Variants in ANKS1B observed in about 807,000 individuals in gnomAD.
ANKS1B encodes the protein ankyrin repeat and sterile alpha motif domain-containing protein 1B.
Under a neutral mutation model 148.3 loss-of-function variants are expected in ANKS1B, and 36 were observed. That is an observed-to-expected ratio of 0.24 (90% confidence interval 0.19 to 0.32). ANKS1B has a LOEUF of 0.32. ANKS1B is among the 10% of genes least tolerant of loss of function. The pLI is 1.00. For synonymous variants in ANKS1B, 542 were observed against 560.8 expected, an observed-to-expected ratio of 0.97 and a Z score of 0.47; for missense variants, 1,157 against 1,542.6, an observed-to-expected ratio of 0.75 and a Z score of 4.19.
chr12:98,828,782 C>T (rs760231939), intron 19 of ANKS1B, among the ~76,000 whole-genome samples: 4 of 152,196 alleles, frequency 2.6e-5, no homozygotes, highest in Non-Finnish European at 5.9e-5. Flanking sequence ...GGAAATTAAC[C>T]ACATCACACA....
intron 11 of ANKS1B, among the ~76,000 whole-genome samples, chr12:99,437,852 A>G (rs2095486307): frequency 6.6e-6 from 1 of 151,720 alleles, no homozygotes; most frequent in South Asian, 2.1e-4. Flanking sequence ...ATTTCCTTTT[A>G]CCATCAAACT....
intron 12 of ANKS1B, among the ~76,000 whole-genome samples, chr12:99,370,158 T>C (rs1046885538): frequency 6.6e-5 from 10 of 152,032 alleles, no homozygotes; most frequent in African/African-American, 2.4e-4. Flanking sequence ...ATAGATATGA[T>C]AGGGTTGCAC....
At chr12:99,507,659 ACC>A (rs1354390880) in intron 9 of ANKS1B, among the ~76,000 whole-genome samples, 2 of 151,852 alleles carry the variant, frequency 1.3e-5, no homozygotes, top group Non-Finnish European at 2.9e-5. Context: ...TCTTTGTAGA[ACC>A]TGGCTTCCTT....
At chr12:99,872,199 C>T (rs555185987) in intron 1 of ANKS1B, among the ~76,000 whole-genome samples, 1 of 152,188 alleles carries the variant, frequency 6.6e-6, no homozygotes, top group East Asian at 1.9e-4. Context: ...AATATGCATA[C>T]ACTATAACCT....
chr12:98,955,846 T>C (rs531395563), intron 17 of ANKS1B, among the ~76,000 whole-genome samples: 1 of 152,198 alleles, frequency 6.6e-6, no homozygotes, highest in Non-Finnish European at 1.5e-5. Context: ...CAAGTGGAGA[T>C]ATTGAGGAGG....
chr12:98,918,601 C>A (rs1176701784), intron 17 of ANKS1B, among the ~76,000 whole-genome samples: 1 of 152,030 alleles, frequency 6.6e-6, no homozygotes, highest in East Asian at 1.9e-4. Flanking sequence ...CTAATATATT[C>A]TTGGATTAAA....
At chr12:99,241,206 T>A (rs1223633455) in intron 14 of ANKS1B, among the ~76,000 whole-genome samples, 2 of 152,000 alleles carry the variant, frequency 1.3e-5, no homozygotes, top group Non-Finnish European at 2.9e-5. Flanking sequence ...TAAAAAATGA[T>A]AAAGGGGATA....
At chr12:99,620,010 A>G (rs76285258) in intron 9 of ANKS1B, among the ~76,000 whole-genome samples, 4 of 152,184 alleles carry the variant, frequency 2.6e-5, no homozygotes, top group Non-Finnish European at 5.9e-5. Context: ...ACAGGGATCA[A>G]GTATACACCC....
chr12:99,189,624 C>T (rs965874398), intron 14 of ANKS1B, among the ~76,000 whole-genome samples: 5 of 152,154 alleles, frequency 3.3e-5, no homozygotes, highest in Non-Finnish European at 7.4e-5. Flanking sequence ...GCAGAAAAGG[C>T]CTTCAACAAA....
rs561116040 is a variant in ANKS1B, at chr12:99,909,091, T to A, written c.134+75013A>T. Among the ~76,000 whole-genome samples, 3 of 145,706 alleles carry A rather than the reference T, an allele frequency of 2.1e-5. No individual in the cohort carries two copies. The East Asian group carries it at 6.8e-4, about 33-fold the overall frequency. On this transcript the variant is annotated intron_variant, in intron 1 of 26. Coordinates refer to ENST00000683438, the MANE Select transcript of ANKS1B (RefSeq NM_001352186.2). ...CAACTTTTTTTTTAGATTCTGCACATAAGTGAGATCATGCAGTGTTTTTCT... is the reference window on the plus strand; with the variant it reads ...CAACTTTTTTTTTAGATTCTGCACAAAAGTGAGATCATGCAGTGTTTTTCT...
intron 12 of ANKS1B, among the ~76,000 whole-genome samples, chr12:99,337,668 T>C (rs2089183267): frequency 6.6e-6 from 1 of 152,130 alleles, no homozygotes. Context: ...CAATGGAAAT[T>C]GAGTAATGTA....
At chr12:99,322,749 A>T (rs1193303719) in intron 12 of ANKS1B, among the ~76,000 whole-genome samples, 1 of 152,102 alleles carries the variant, frequency 6.6e-6, no homozygotes, top group Non-Finnish European at 1.5e-5. Flanking sequence ...CCCCATCCAA[A>T]TCTCATCTTG....
At chr12:99,678,325 T>C (rs1428603585) in intron 8 of ANKS1B, among the ~76,000 whole-genome samples, 1 of 152,202 alleles carries the variant, frequency 6.6e-6, no homozygotes, top group Non-Finnish European at 1.5e-5. Context: ...GTCCCTGGTG[T>C]GGCTACTTTT....
intron 12 of ANKS1B, among the ~76,000 whole-genome samples, chr12:99,285,399 A>G (rs759019984): frequency 2.0e-5 from 3 of 152,180 alleles, no homozygotes; most frequent in Non-Finnish European, 4.4e-5. Flanking sequence ...GGTTTTGTCT[A>G]TTAGAAATAA....
intron 8 of ANKS1B, among the ~76,000 whole-genome samples, chr12:99,709,106 T>C (rs564408709): frequency 1.3e-5 from 2 of 152,136 alleles, no homozygotes; most frequent in Non-Finnish European, 2.9e-5. Flanking sequence ...AGTGGGTCAA[T>C]ATTATCTTGG....
chr12:99,755,112 A>C (rs1318700575), intron 8 of ANKS1B, among the ~76,000 whole-genome samples: 1 of 152,062 alleles, frequency 6.6e-6, no homozygotes, highest in Admixed American at 6.6e-5. Context: ...AGCTAAGCTA[A>C]TAAAGAAGAA....
intron 17 of ANKS1B, among the ~76,000 whole-genome samples, chr12:98,979,954 A>G (rs923136298): frequency 3.3e-5 from 5 of 149,532 alleles, no homozygotes; most frequent in Non-Finnish European, 5.9e-5. Flanking sequence ...TTTTTTCACT[A>G]CTCTTTTTTT....
Position 99,572,291 on chromosome 12 carries a change from A to T in ANKS1B, c.1273-67650T>A, listed in dbSNP as rs975354070. ...GAAATAAAACAATAAAAAATTTAAA[A>T]TTTTTTTCTAAAAGTTGAAAATAAA... On this transcript the variant is annotated intron_variant, in intron 9 of 26. Transcript: ENST00000683438. Among the ~76,000 whole-genome samples, 7 of 152,138 alleles carry T rather than the reference A, an allele frequency of 4.6e-5. No homozygotes were observed. The East Asian group carries it at 9.6e-4, about 21-fold the overall frequency.
intron 16 of ANKS1B, among the ~76,000 whole-genome samples, chr12:99,060,800 G>A (rs996658032): frequency 5.9e-5 from 9 of 151,350 alleles, no homozygotes; most frequent in African/African-American, 2.2e-4. Context: ...ATGAGATGAC[G>A]GAGCCACAGG....
Sources: gnomAD v4.1 joint callset for allele counts (sites outside exome capture counted in the v4.1 genomes callset) on GRCh38, gnomAD v4.1.1 for gene constraint, MANE v1.5 for transcripts, NCBI Gene and HGNC (gene_info 2026-07-23, HGNC 2026-07-21) for gene names.